The following CCDC190 variants were observed in gnomAD, a reference collection of about 807,000 sequenced individuals.
CCDC190 encodes coiled-coil domain-containing protein 190.
CCDC190 carries 10 observed loss-of-function variants against 13.1 expected under a neutral mutation model. The observed-to-expected ratio is 0.77, with a 90% confidence interval of 0.47 to 1.30. CCDC190 has a LOEUF of 1.30. Ranked by LOEUF, CCDC190 falls within the 50% of genes most tolerant of loss-of-function variation. The probability of loss-of-function intolerance (pLI) is 0.00; values close to 1 mark genes in which losing one functional copy is unlikely to be tolerated. For missense variants in CCDC190, 375 were observed against 354.3 expected (o/e 1.06, Z -0.47); for synonymous variants, 136 against 127.2 (o/e 1.07, Z -0.47).
intron 2 of CCDC190, among the ~76,000 whole-genome samples, chr1:162,859,053 T>C (rs1412539800): frequency 6.6e-6 from 1 of 152,172 alleles, no homozygotes; most frequent in Admixed American, 6.5e-5. Flanking sequence ...GACTTGCACA[T>C]GAGTAACTGC....
Position 162,854,859 on chromosome 1 carries a change from C to CT in CCDC190, c.811dup (p.Ser271LysfsTer21), listed in dbSNP as rs1280725712. The stretch of plus-strand genomic sequence containing the variant: ...CCCATGCCCAAATATCTCTCCAATG[C>CT]TAAGCAACCTCTCAGACTCAGGGGG... On this transcript the variant is annotated frameshift_variant, in exon 4 of 4. Transcript: ENST00000367912. LOFTEE classifies it low-confidence loss of function (END_TRUNC). The CT allele has an allele frequency of 3.1e-6, 5 of 1,614,026 alleles. No individual in the cohort carries two copies. The African/African-American group carries it at 4.0e-5, about 13-fold the overall frequency.
chr1:162,856,922 C>A (rs1454095352), intron 2 of CCDC190, among the ~76,000 whole-genome samples: 1 of 152,102 alleles, frequency 6.6e-6, no homozygotes, highest in Middle Eastern at 3.2e-3. Context: ...AGCTACTTCT[C>A]CCAGCAAGAT....
Position 162,854,661 on chromosome 1 carries a change from A to T in CCDC190, c.*104T>A. 2 of 1,447,702 alleles carry T rather than the reference A, an allele frequency of 1.4e-6. No homozygotes were observed. Among genetic ancestry groups the T allele is most frequent in the Non-Finnish European group, 1.8e-6 (2 of 1,102,294 alleles). The allele number at this position is 1,447,702 out of a possible 1,614,324, so 89.7% of individuals were successfully genotyped here. A position where few individuals can be genotyped will look rare whatever the true frequency, so the allele number is the denominator to read the frequency against. ...GGAGTTTAAAATAAAATTGTAATTC[A>T]ATTATGTTTGTTTGTTTTTCTCTGT... On this transcript the variant is annotated 3_prime_UTR_variant, in exon 4 of 4. Coordinates refer to ENST00000367912, the MANE Select transcript of CCDC190 (RefSeq NM_001394065.1).
chr1:162,862,338 G>A (rs1367607902), upstream of CCDC190, among the ~76,000 whole-genome samples: 1 of 152,210 alleles, frequency 6.6e-6, no homozygotes, highest in Non-Finnish European at 1.5e-5. Context: ...GAGCCTTAGT[G>A]TGGAGTGCCT....
chr1:162,866,714 A>T (rs1650718545), intron 1 of CCDC190, among the ~76,000 whole-genome samples: 2 of 152,212 alleles, frequency 1.3e-5, no homozygotes, highest in African/African-American at 4.8e-5. Context: ...GCTATAGTCA[A>T]TAAGATTGTG....
intron 2 of CCDC190, 101 bp downstream of exon 2, chr1:162,859,359 G>C (rs559234866): frequency 9.3e-7 from 1 of 1,079,814 alleles, no homozygotes; most frequent in Non-Finnish European, 1.3e-6. Context: ...AGCTCTTGCT[G>C]TCTTGGCACT....
chr1:162,856,825 T>C (rs988258936), intron 2 of CCDC190, among the ~76,000 whole-genome samples: 3 of 152,186 alleles, frequency 2.0e-5, no homozygotes, highest in African/African-American at 7.2e-5. Context: ...TGTGAGCCTT[T>C]CTTCCTTTGT....
upstream of CCDC190, among the ~76,000 whole-genome samples, chr1:162,863,224 C>T (rs372878342): frequency 6.6e-6 from 1 of 152,084 alleles, no homozygotes; most frequent in South Asian, 2.1e-4. Flanking sequence ...TGGAGTCACA[C>T]CCTTTTGTAG....
chr1:162,855,544 A>T, intron 3 of CCDC190, 88 bp downstream of exon 3: 1 of 1,555,720 alleles, frequency 6.4e-7, no homozygotes, highest in Non-Finnish European at 8.7e-7. Context: ...AGTGGAACGG[A>T]GCATTTCTTC....
intron 1 of CCDC190, among the ~76,000 whole-genome samples, chr1:162,859,979 G>C (rs1265684042): frequency 6.7e-6 from 1 of 150,074 alleles, no homozygotes; most frequent in African/African-American, 2.4e-5. Flanking sequence ...AAAAAAAAAG[G>C]CAGTCTACAT....
At position 162,854,727 on chromosome 1, in the gene CCDC190, A is replaced by G. The variant is rs1433365195; in HGVS notation, c.*38T>C. On this transcript the variant is annotated 3_prime_UTR_variant, in exon 4 of 4. Coordinates refer to ENST00000367912, the MANE Select transcript of CCDC190 (RefSeq NM_001394065.1). Reference sequence around the variant, plus strand: ...CATTTGAGGAACACATTTCCTTAGCAATAATGGCATATGTTATTGTCAGGC... The same window carrying G: ...CATTTGAGGAACACATTTCCTTAGCGATAATGGCATATGTTATTGTCAGGC... 3.2e-6 allele frequency: 5 copies of G among 1,550,284 alleles called. No individual in the cohort carries two copies. Among genetic ancestry groups the G allele is most frequent in the East Asian group, 4.5e-5 (2 of 44,226 alleles).
chr1:162,854,392 A>G lies in CCDC190; in HGVS notation c.*373T>C, dbSNP rs940041480. ...CCACTACTATATATCAAACTAAAAC[A>G]GAGAGAATAGCTATGCCGTTTTGCC... On this transcript the variant is annotated 3_prime_UTR_variant, in exon 4 of 4. Transcript: ENST00000367912. The G allele has an allele frequency of 1.9e-6, 2 of 1,030,554 alleles. No homozygotes were observed. The highest frequency in any genetic ancestry group is 4.8e-4 in the Middle Eastern group (1 of 2,080). The allele number at this position is 1,030,554 out of a possible 1,614,324, so 63.8% of individuals were successfully genotyped here.
chr1:162,866,436 A>G (rs1043099039), intron 1 of CCDC190, among the ~76,000 whole-genome samples: 1 of 150,794 alleles, frequency 6.6e-6, no homozygotes, highest in Admixed American at 6.6e-5. Context: ...ATCTCAAAAA[A>G]CAAAAAACAA....
At chr1:162,865,473 A>G (rs1424668278), upstream of CCDC190, among the ~76,000 whole-genome samples, 4 of 152,190 alleles carry the variant, frequency 2.6e-5, no homozygotes, top group African/African-American at 4.8e-5. Context: ...ATTTATCAAG[A>G]TAGACCACAG....
chr1:162,853,095 G>A lies in CCDC190; in HGVS notation c.*1670C>T, dbSNP rs1414254737. On this transcript the variant is annotated 3_prime_UTR_variant, in exon 4 of 4. Transcript: ENST00000367912. ...TTGCTTCATGGAAGAAAGTGTTGGA[G>A]GAAGCAGATTTCTTGTGTTCCTTTC... 3.2e-6 allele frequency: 5 copies of A among 1,546,586 alleles called. No individual in the cohort carries two copies.
intron 1 of CCDC190, 22 bp from the exon 2 acceptor site, chr1:162,859,680 A>T (rs750050547): frequency 6.4e-7 from 1 of 1,574,274 alleles, no homozygotes; most frequent in Non-Finnish European, 8.6e-7. Flanking sequence ...AAGGTATCAC[A>T]AATAACCTGA....
At chr1:162,867,098 T>C (rs1280409196) in intron 1 of CCDC190, among the ~76,000 whole-genome samples, 1 of 151,648 alleles carries the variant, frequency 6.6e-6, no homozygotes, top group Admixed American at 6.6e-5. Flanking sequence ...TTTGATAAAA[T>C]TGACTTAATA....
intron 1 of CCDC190, among the ~76,000 whole-genome samples, chr1:162,867,840 G>A (rs1344577320): frequency 6.6e-6 from 1 of 152,168 alleles, no homozygotes; most frequent in East Asian, 1.9e-4. Context: ...GAAAAGAGAA[G>A]TGGATTCCAT....
At chr1:162,863,675 GT>G (rs1487976393), upstream of CCDC190, among the ~76,000 whole-genome samples, 1 of 152,140 alleles carries the variant, frequency 6.6e-6, no homozygotes, top group Non-Finnish European at 1.5e-5. Context: ...AAAGGTGTAA[GT>G]TCAGAAAGAC....
Sources: gnomAD v4.1 joint callset for allele counts (sites outside exome capture counted in the v4.1 genomes callset) on GRCh38, gnomAD v4.1.1 for gene constraint, MANE v1.5 for transcripts, NCBI Gene and HGNC (gene_info 2026-07-23, HGNC 2026-07-21) for gene names.